Variants in COMMD10 observed in about 807,000 individuals in gnomAD.
COMMD10 encodes the protein COMM domain containing 10.
COMMD10 carries 33 observed loss-of-function variants against 28.9 expected under a neutral mutation model. The ratio of observed to expected loss-of-function variants is 1.14; its 90% confidence interval spans 0.87 to 1.53. The LOEUF (loss-of-function observed/expected upper bound fraction) is 1.53, where lower values mean the gene tolerates loss of function less well. Ranked by LOEUF, COMMD10 falls within the 40% of genes most tolerant of loss-of-function variation. COMMD10 has a pLI of 0.00. For synonymous variants in COMMD10, 110 were observed against 81.7 expected (o/e 1.35, Z -1.87); for missense variants, 310 against 233.4 (o/e 1.33, Z -2.14).
intron 5 of COMMD10, among the ~76,000 whole-genome samples, chr5:116,165,426 A>G (rs1279808322): frequency 6.6e-6 from 1 of 152,194 alleles, no homozygotes. Flanking sequence ...AGGGCTGCCA[A>G]AACAAAATAT....
chr5:116,193,250 C>A (rs1748418144), intron 5 of COMMD10, among the ~76,000 whole-genome samples: 1 of 152,038 alleles, frequency 6.6e-6, no homozygotes, highest in East Asian at 1.9e-4. Flanking sequence ...CAAAAATACA[C>A]CTTAAAAAGC....
At chr5:116,133,781 G>A (rs1400767760) in intron 4 of COMMD10, among the ~76,000 whole-genome samples, 1 of 151,822 alleles carries the variant, frequency 6.6e-6, no homozygotes, top group African/African-American at 2.4e-5. Flanking sequence ...AAAAACCATT[G>A]GCTCTTTTAA....
intron 4 of COMMD10, among the ~76,000 whole-genome samples, chr5:116,112,748 T>C (rs931563479): frequency 6.6e-6 from 1 of 152,200 alleles, no homozygotes; most frequent in East Asian, 1.9e-4. Flanking sequence ...AGTAGGACAT[T>C]TAATCCATTT....
At chr5:116,257,059 A>T (rs562436318) in intron 5 of COMMD10, among the ~76,000 whole-genome samples, 1 of 151,876 alleles carries the variant, frequency 6.6e-6, no homozygotes, top group East Asian at 1.9e-4. Context: ...AGGTTACTCT[A>T]CTCTGTATTT....
At position 116,292,760 on chromosome 5, in the gene COMMD10, T is replaced by C; in HGVS notation, c.*271T>C. 4.9e-6 allele frequency: 2 copies of C among 410,378 alleles called. No individual in the cohort carries two copies. The highest frequency in any genetic ancestry group is 8.6e-6 in the Non-Finnish European group (2 of 232,734). The allele number at this position is 410,378 out of a possible 1,614,324, so 25.4% of individuals were successfully genotyped here. On this transcript the variant is annotated 3_prime_UTR_variant, in exon 7 of 7. Coordinates refer to ENST00000274458, the MANE Select transcript of COMMD10 (RefSeq NM_016144.4). Reference sequence around the variant, plus strand: ...ACAAAAGTGAATACCATATTGTTTTTACTGTCATAGTGTTGCTTTCTTGCC... The same window carrying C: ...ACAAAAGTGAATACCATATTGTTTTCACTGTCATAGTGTTGCTTTCTTGCC...
chr5:116,199,008 T>G (rs1748598255), intron 5 of COMMD10, among the ~76,000 whole-genome samples: 3 of 152,150 alleles, frequency 2.0e-5, no homozygotes, highest in African/African-American at 7.2e-5. Flanking sequence ...GGTAACAGCA[T>G]GTTTAGTTTT....
At position 116,091,681 on chromosome 5, in the gene COMMD10, C is replaced by T. The variant is rs115861089; in HGVS notation, c.243+492C>T. Among the ~76,000 whole-genome samples, 1,508 of 152,206 alleles carry T rather than the reference C, an allele frequency of 9.9e-3. 29 individuals are homozygous for T. The highest frequency in any genetic ancestry group is 0.035 in the African/African-American group (1,449 of 41,532). On this transcript the variant is annotated intron_variant, in intron 3 of 6. Transcript: ENST00000274458. ...ATTTTTAAAAATCCTTGGCTCATCACAGTAGAGCACATTGTTAGTCTTTCA... is the reference window on the plus strand; with the variant it reads ...ATTTTTAAAAATCCTTGGCTCATCATAGTAGAGCACATTGTTAGTCTTTCA...
chr5:116,261,170 T>A (rs1331706818), intron 5 of COMMD10, among the ~76,000 whole-genome samples: 1 of 151,768 alleles, frequency 6.6e-6, no homozygotes, highest in Non-Finnish European at 1.5e-5. Flanking sequence ...CTAATTAAAT[T>A]TCTCAGTACT....
intron 5 of COMMD10, among the ~76,000 whole-genome samples, chr5:116,282,330 G>C (rs74659026): frequency 0.015 from 2,239 of 151,944 alleles, 86 homozygotes; most frequent in African/African-American, 0.047. Flanking sequence ...AAGCCACTGT[G>C]TCTTGCCTGG....
chr5:116,118,685 A>T (rs1396811461), intron 4 of COMMD10, among the ~76,000 whole-genome samples: 1 of 152,160 alleles, frequency 6.6e-6, no homozygotes, highest in East Asian at 1.9e-4. Flanking sequence ...TCATTTAAAA[A>T]ATTTTCTCTT....
At chr5:116,243,747 C>G (rs1749871463) in intron 5 of COMMD10, among the ~76,000 whole-genome samples, 1 of 152,170 alleles carries the variant, frequency 6.6e-6, no homozygotes, top group Admixed American at 6.5e-5. Flanking sequence ...GTAGAATCAG[C>G]TTGACCTTAT....
At chr5:116,290,485 G>T (rs1261938191) in intron 5 of COMMD10, among the ~76,000 whole-genome samples, 1 of 151,792 alleles carries the variant, frequency 6.6e-6, no homozygotes, top group Non-Finnish European at 1.5e-5. Flanking sequence ...GACTCTTCTG[G>T]AATTAGTTGG....
intron 5 of COMMD10, among the ~76,000 whole-genome samples, chr5:116,261,928 G>A (rs1199848540): frequency 1.3e-5 from 2 of 151,570 alleles, no homozygotes; most frequent in Non-Finnish European, 2.9e-5. Flanking sequence ...TTTTTCTTGA[G>A]CACTTACTTT....
intron 5 of COMMD10, among the ~76,000 whole-genome samples, chr5:116,136,454 G>A (rs1752027175): frequency 1.3e-5 from 2 of 152,136 alleles, no homozygotes; most frequent in Admixed American, 1.3e-4. Context: ...TTTGTATGTT[G>A]GAAGTGTACT....
chr5:116,136,158 T>G (rs775197290), intron 5 of COMMD10, among the ~76,000 whole-genome samples: 11 of 152,194 alleles, frequency 7.2e-5, no homozygotes, highest in Non-Finnish European at 1.2e-4. Flanking sequence ...CCTCTTCCCT[T>G]GTTCCTTGCA....
intron 5 of COMMD10, among the ~76,000 whole-genome samples, chr5:116,275,220 A>T (rs1259513787): frequency 1.3e-5 from 2 of 151,740 alleles, no homozygotes; most frequent in African/African-American, 4.9e-5. Flanking sequence ...ATAGCTCTTA[A>T]ATCTGTATGT....
chr5:116,208,380 C>G (rs879333607), intron 5 of COMMD10, among the ~76,000 whole-genome samples: 3 of 152,130 alleles, frequency 2.0e-5, no homozygotes, highest in Non-Finnish European at 2.9e-5. Flanking sequence ...GAAGCTTCCT[C>G]ATTTAACATC....
At chr5:116,223,628 G>A (rs4921082) in intron 5 of COMMD10, among the ~76,000 whole-genome samples, 55,005 of 151,998 alleles carry the variant, frequency 0.36, 12,145 homozygotes, top group African/African-American at 0.63. Flanking sequence ...AGACTATAAG[G>A]TGAGACCGTA....
chr5:116,148,973 G>A (rs1223434534), intron 5 of COMMD10, among the ~76,000 whole-genome samples: 1 of 150,780 alleles, frequency 6.6e-6, no homozygotes, highest in Non-Finnish European at 1.5e-5. Context: ...GTAGCATTAG[G>A]TATATCTCCT....
Sources: gnomAD v4.1 joint callset for allele counts (sites outside exome capture counted in the v4.1 genomes callset) on GRCh38, gnomAD v4.1.1 for gene constraint, MANE v1.5 for transcripts, NCBI Gene and HGNC (gene_info 2026-07-23, HGNC 2026-07-21) for gene names.